SOS2: variants seen among roughly 807,000 people sequenced by gnomAD.
The protein encoded by SOS2 is SOS Ras/Rho guanine nucleotide exchange factor 2.
A neutral mutation model predicts 148.2 loss-of-function variants in SOS2; 65 were observed. The observed-to-expected ratio is 0.44, with a 90% CI of 0.36 to 0.54. SOS2 has a LOEUF of 0.54. Ranked by LOEUF, SOS2 falls within the 20% of genes least tolerant of loss-of-function variation. The pLI is 0.00. For synonymous variants in SOS2, 539 were observed against 537.1 expected (o/e 1.00, Z -0.05); for missense variants, 1,341 against 1,590.2 (o/e 0.84, Z 2.67).
rs1057518079 is a variant in SOS2, at chr14:50,153,118, C to A, written c.2113G>T (p.Asp705Tyr). 6 of 1,606,732 alleles carry A rather than the reference C, an allele frequency of 3.7e-6. No homozygotes were observed. The highest frequency in any genetic ancestry group is 5.1e-6 in the Non-Finnish European group (6 of 1,174,266). ...VEHHFYDFER[D>Y]LELLERLESF... ...TCTAGTCTTTCAAGCAATTCCAAGT[C>A]TCTTTCAAAGTCATAAAAATGATGT... is the stretch of plus-strand genomic sequence containing the variant. The change falls in exon 13 of 23, where the codon GAC becomes TAC. Residue 705 changes from aspartate to tyrosine, a missense_variant. Asp to Tyr is a radical substitution (Grantham distance 160). Around this residue, in one of 4 missense-constraint regions of SOS2, gnomAD observed 408 missense variants for 506.6 expected, o/e 0.81. Coordinates refer to ENST00000216373, the MANE Select transcript of SOS2 (RefSeq NM_006939.4).
intron 1 of SOS2, among the ~76,000 whole-genome samples, chr14:50,213,708 A>C (rs1170176459): frequency 6.6e-6 from 1 of 151,926 alleles, no homozygotes; most frequent in Non-Finnish European, 1.5e-5. Context: ...TAGCATTTAC[A>C]GTCATAATAA....
intron 8 of SOS2, 37 bp downstream of exon 8, chr14:50,174,417 T>C: frequency 8.9e-7 from 1 of 1,118,414 alleles, no homozygotes; most frequent in South Asian, 1.7e-5. Flanking sequence ...ACTCTTCTAT[T>C]AGATAAGTAC....
intron 21 of SOS2, among the ~76,000 whole-genome samples, chr14:50,120,929 A>AG (rs1883484787): frequency 6.6e-6 from 1 of 151,888 alleles, no homozygotes; most frequent in Admixed American, 6.6e-5. Flanking sequence ...TAGTAGAGAC[A>AG]GGGTTTCACC....
intron 21 of SOS2, among the ~76,000 whole-genome samples, chr14:50,122,859 A>G (rs752093273): frequency 2.4e-4 from 36 of 152,202 alleles, no homozygotes; most frequent in Non-Finnish European, 4.3e-4. Flanking sequence ...TAGCTATCTA[A>G]GTTACTTCTA....
chr14:50,124,275 G>T (rs1012707920), intron 21 of SOS2, among the ~76,000 whole-genome samples: 1 of 152,166 alleles, frequency 6.6e-6, no homozygotes, highest in African/African-American at 2.4e-5. Flanking sequence ...TCAATAGTTT[G>T]GGAAGGTGAG....
intron 5 of SOS2, among the ~76,000 whole-genome samples, chr14:50,186,528 T>A (rs533397559): frequency 3.2e-4 from 49 of 151,898 alleles, no homozygotes; most frequent in African/African-American, 9.4e-4. Flanking sequence ...AAGCCTGTAA[T>A]CTTAGCACTT....
At chr14:50,147,518 A>G (rs1658500382) in intron 14 of SOS2, among the ~76,000 whole-genome samples, 1 of 148,980 alleles carries the variant, frequency 6.7e-6, no homozygotes, top group Admixed American at 6.7e-5. Context: ...TTTCTAAAAA[A>G]AAAAAAAAAA....
At chr14:50,171,893 T>A (rs1028792017) in intron 8 of SOS2, among the ~76,000 whole-genome samples, 8 of 152,258 alleles carry the variant, frequency 5.3e-5, no homozygotes, top group Non-Finnish European at 1.0e-4. Flanking sequence ...GCAAACAGGA[T>A]TTGCTATTAC....
chr14:50,124,383 T>C (rs953489827), intron 21 of SOS2, among the ~76,000 whole-genome samples: 1 of 152,198 alleles, frequency 6.6e-6, no homozygotes, highest in African/African-American at 2.4e-5. Flanking sequence ...TTCCAAACAT[T>C]TATTGGGTAT....
intron 18 of SOS2, among the ~76,000 whole-genome samples, chr14:50,135,060 C>T (rs143668902): frequency 5.8e-4 from 57 of 98,268 alleles, no homozygotes; most frequent in African/African-American, 2.3e-3. Context: ...GCAACAAGAG[C>T]GAGACTGTCT....
At position 50,182,456 on chromosome 14, in the gene SOS2, A is replaced by G. The variant is rs560994504; in HGVS notation, c.858+7T>C. The G allele has an allele frequency of 2.5e-6, 4 of 1,613,466 alleles. No homozygotes were observed. The African/African-American group carries it at 4.0e-5, about 16-fold the overall frequency. ...TAATGAGAATATAAGTAGTTTTGTA[A>G]ACTTACTTCTGCCAAATCTTCAAAA... is the stretch of plus-strand genomic sequence containing the variant. On this transcript the variant is annotated splice_region_variant and intron_variant, in intron 6 of 22. Coordinates refer to ENST00000216373, the MANE Select transcript of SOS2 (RefSeq NM_006939.4).
intron 1 of SOS2, chr14:50,215,442 C>G: frequency 1.6e-6 from 2 of 1,268,422 alleles, no homozygotes; most frequent in Non-Finnish European, 2.0e-6. Context: ...TCTACAGAGA[C>G]AGTAAACATA....
chr14:50,204,894 T>C (rs940607865), intron 1 of SOS2, among the ~76,000 whole-genome samples: 162 of 39,814 alleles, frequency 4.1e-3, no homozygotes, highest in African/African-American at 0.015. Context: ...TTTTTTCTTT[T>C]TTTTTCTTTC....
chr14:50,133,406 C>T (rs1883970968), intron 19 of SOS2, among the ~76,000 whole-genome samples: 1 of 151,676 alleles, frequency 6.6e-6, no homozygotes, highest in Non-Finnish European at 1.5e-5. Context: ...TGCCATGTTG[C>T]CCAAGCTGGT....
chr14:50,229,884 T>C (rs1483076707), intron 1 of SOS2, among the ~76,000 whole-genome samples: 1 of 152,230 alleles, frequency 6.6e-6, no homozygotes, highest in Non-Finnish European at 1.5e-5. Flanking sequence ...TGCTTTTAAT[T>C]CAGGCCAGAG....
intron 1 of SOS2, among the ~76,000 whole-genome samples, chr14:50,220,150 C>A (rs1887156097): frequency 6.7e-6 from 1 of 150,156 alleles, no homozygotes; most frequent in Non-Finnish European, 1.5e-5. Context: ...CCTGTAATCC[C>A]AGCACTTTGG....
rs1175211457 is a variant in SOS2, at chr14:50,130,694, GGTA to G, written c.3141_3143del (p.Thr1048del). The G allele has an allele frequency of 6.2e-7, 1 of 1,613,958 alleles. No individual in the cohort carries two copies. Among genetic ancestry groups the G allele is most frequent in the East Asian group, 2.2e-5 (1 of 44,888 alleles). On this transcript the variant is annotated inframe_deletion, in exon 20 of 23. Coordinates refer to ENST00000216373, the MANE Select transcript of SOS2 (RefSeq NM_006939.4). ...TTGGGTGACCTCGTAAAGTACCTGA[GGTA>G]GAGCCATGTCGGCCTGTGTTAGGCC...
Position 50,188,794 on chromosome 14 carries a change from G to T in SOS2, c.511-94C>A, listed in dbSNP as rs759340425. On this transcript the variant is annotated intron_variant, in intron 4 of 22. Coordinates refer to ENST00000216373, the MANE Select transcript of SOS2 (RefSeq NM_006939.4). ...TTGAAATCTATACGTTATTAAACAG[G>T]GCTGGGTGTTGTAATCCCAGCACTT... is the stretch of plus-strand genomic sequence containing the variant. 12 of 864,970 alleles carry T rather than the reference G, an allele frequency of 1.4e-5. No individual in the cohort carries two copies. In the African/African-American group the frequency reaches 1.4e-4, roughly 10 times the overall value. The allele number at this position is 864,970 out of a possible 1,614,324, so 53.6% of individuals were successfully genotyped here. A position where few individuals can be genotyped will look rare whatever the true frequency, so the allele number is the denominator to read the frequency against.
At chr14:50,200,362 CA>C (rs1487192436) in intron 3 of SOS2, among the ~76,000 whole-genome samples, 76 of 152,094 alleles carry the variant, frequency 5.0e-4, no homozygotes, top group Non-Finnish European at 1.5e-4. Context: ...ATGCAATAGC[CA>C]AACTAGGTCC....
Sources: gnomAD v4.1 joint callset for allele counts (sites outside exome capture counted in the v4.1 genomes callset) on GRCh38, gnomAD v4.1.1 for gene constraint, gnomAD v4.1.1 regional missense constraint, MANE v1.5 for transcripts, NCBI Gene and HGNC (gene_info 2026-07-23, HGNC 2026-07-21) for gene names.